The following PCDHGB3 variants were observed in gnomAD, a reference collection of about 807,000 sequenced individuals.
The protein encoded by PCDHGB3 is protocadherin gamma subfamily B, 3.
PCDHGB3 carries 40 observed loss-of-function variants against 59.2 expected under a neutral mutation model. The observed-to-expected ratio is 0.68, with a 90% CI of 0.52 to 0.88. The LOEUF is 0.88. Among genes scored for constraint, PCDHGB3 ranks in the 40% least tolerant of loss-of-function variants. PCDHGB3 has a pLI of 0.00. For synonymous variants in PCDHGB3, 581 were observed against 503.6 expected (o/e 1.15, Z -2.06); for missense variants, 1,309 against 1,187.9 (o/e 1.10, Z -1.50).
At chr5:141,415,482 G>A in intron 1 of PCDHGB3, 1 of 1,614,218 alleles carries the variant, frequency 6.2e-7, no homozygotes, top group Non-Finnish European at 8.5e-7. Flanking sequence ...ACTCGCGAAA[G>A]AGTCACCTGA....
Position 141,512,106 on chromosome 5 carries a change from T to A in PCDHGB3, c.*933T>A, listed in dbSNP as rs2099884076. 6.6e-6 allele frequency: 1 copy of A among 152,630 alleles called. No homozygotes were observed. Among genetic ancestry groups the A allele is most frequent in the Non-Finnish European group, 1.5e-5 (1 of 68,060 alleles). 9.5% of individuals were successfully genotyped at this position (152,630 alleles called of 1,614,324 possible). On this transcript the variant is annotated 3_prime_UTR_variant, in exon 4 of 4. Transcript: ENST00000576222. ...TAAACCAATAACTAGGCTGGACCCT[T>A]CCCACTACATAATAGGGCTCAGCCC...
chr5:141,400,231 G>T (rs572459159), intron 1 of PCDHGB3: 62 of 1,613,870 alleles, frequency 3.8e-5, no homozygotes, highest in Non-Finnish European at 5.1e-5. Flanking sequence ...CTTCCTCCTG[G>T]CCGTGATTCT....
At chr5:141,421,474 G>T (rs1320526226) in intron 1 of PCDHGB3, 3 of 1,614,014 alleles carry the variant, frequency 1.9e-6, no homozygotes, top group African/African-American at 2.7e-5. Flanking sequence ...TCCGCGAAGC[G>T]GCAGCTTGAT....
At chr5:141,450,796 G>GTATT (rs1490825772) in intron 1 of PCDHGB3, among the ~76,000 whole-genome samples, 8 of 145,976 alleles carry the variant, frequency 5.5e-5, no homozygotes, top group African/African-American at 1.8e-4. Flanking sequence ...CCTCATGATT[G>GTATT]TATTTATTTA....
intron 1 of PCDHGB3, chr5:141,423,607 A>T (rs777606404): frequency 6.2e-7 from 1 of 1,612,176 alleles, no homozygotes; most frequent in Admixed American, 1.7e-5. Flanking sequence ...GCCACTCTTG[A>T]TAGCTGAAGA....
chr5:141,400,776 G>T (rs1461818790), intron 1 of PCDHGB3: 3 of 557,594 alleles, frequency 5.4e-6, no homozygotes, highest in Non-Finnish European at 9.4e-6. Context: ...CATTTGGTGC[G>T]TTTTTTTGTC....
chr5:141,425,763 G>A (rs959881638), intron 1 of PCDHGB3, among the ~76,000 whole-genome samples: 3 of 152,164 alleles, frequency 2.0e-5, no homozygotes, highest in Non-Finnish European at 4.4e-5. Context: ...TCTACAACAG[G>A]AGAGAAGACT....
In PCDHGB3 at chr5:141,485,429, A is replaced by T. The variant is rs1388904857; in HGVS notation, c.2416-9378A>T. On this transcript the variant is annotated intron_variant, in intron 1 of 3. Transcript: ENST00000576222. This position sits in a 1 kb window ranked among gnomAD's most constrained non-coding sequence, Gnocchi z 5.7. Reference sequence around the variant, plus strand: ...GGATTTGGACAGCGGAGCCCTGCTCATCAAGAACCCAATCGACCGAGAGGC... The same window carrying T: ...GGATTTGGACAGCGGAGCCCTGCTCTTCAAGAACCCAATCGACCGAGAGGC... The T allele has an allele frequency of 6.2e-7, 1 of 1,614,090 alleles. No homozygotes were observed. Among genetic ancestry groups the T allele is most frequent in the Non-Finnish European group, 8.5e-7 (1 of 1,180,052 alleles).
At position 141,455,318 on chromosome 5, in the gene PCDHGB3, G is replaced by A. The variant is rs534507768; in HGVS notation, c.2416-39489G>A. On this transcript the variant is annotated intron_variant, in intron 1 of 3. Transcript: ENST00000576222. ...TTTCATCTTGCATTAGCAATTTTGT[G>A]TGTGTGTTTGTGGTTTTAAGGAGCG... is the stretch of plus-strand genomic sequence containing the variant. Among the ~76,000 whole-genome samples the A allele has an allele frequency of 2.4e-4, 37 of 152,186 alleles. No individual in the cohort carries two copies. The South Asian group carries it at 5.6e-3, about 23-fold the overall frequency.
intron 1 of PCDHGB3, among the ~76,000 whole-genome samples, chr5:141,469,882 G>A (rs760102003): frequency 2.6e-5 from 4 of 152,280 alleles, no homozygotes; most frequent in Non-Finnish European, 4.4e-5. Context: ...TGTAATCTCG[G>A]CACTTTGGGA....
chr5:141,413,839 G>T (rs971599906), intron 1 of PCDHGB3: 1 of 1,613,310 alleles, frequency 6.2e-7, no homozygotes, highest in African/African-American at 1.3e-5. Flanking sequence ...CTCCGACGGG[G>T]GTGACCCTCT....
At chr5:141,404,877 T>C in intron 1 of PCDHGB3, 1 of 1,613,856 alleles carries the variant, frequency 6.2e-7, no homozygotes, top group East Asian at 2.2e-5. Flanking sequence ...AAACAGAGCC[T>C]TGTGGTGGCT....
chr5:141,420,337 A>G, intron 1 of PCDHGB3: 8 of 1,402,708 alleles, frequency 5.7e-6, no homozygotes, highest in Non-Finnish European at 7.6e-6. Flanking sequence ...ATTCCAATAT[A>G]GTGGTATTAT....
At chr5:141,498,222 T>A (rs1258826914) in intron 2 of PCDHGB3, among the ~76,000 whole-genome samples, 1 of 152,218 alleles carries the variant, frequency 6.6e-6, no homozygotes, top group East Asian at 1.9e-4. Flanking sequence ...GCATTCCAGA[T>A]GGTCAGGCAT....
chr5:141,382,342 T>A (rs1481008486), intron 1 of PCDHGB3, among the ~76,000 whole-genome samples: 1 of 152,250 alleles, frequency 6.6e-6, no homozygotes, highest in East Asian at 1.9e-4. Context: ...GTAAAATCTT[T>A]CATATGTATT....
intron 1 of PCDHGB3, chr5:141,413,515 G>C: frequency 6.2e-7 from 1 of 1,613,984 alleles, no homozygotes; most frequent in Non-Finnish European, 8.5e-7. Context: ...TAATATCCTT[G>C]TGGAAGACAG....
At chr5:141,413,092 T>C in intron 1 of PCDHGB3, 1 of 1,429,614 alleles carries the variant, frequency 7.0e-7, no homozygotes, top group Non-Finnish European at 9.4e-7. Context: ...AGAGACACCC[T>C]GAAGCCACAG....
chr5:141,401,888 TTC>T (rs1281227155), intron 1 of PCDHGB3, among the ~76,000 whole-genome samples: 3 of 152,232 alleles, frequency 2.0e-5, no homozygotes, highest in Non-Finnish European at 2.9e-5. Flanking sequence ...ATATTTTGTG[TTC>T]TTTTTCCCAA....
At chr5:141,497,956 C>T (rs2099780659) in intron 2 of PCDHGB3, among the ~76,000 whole-genome samples, 1 of 152,214 alleles carries the variant, frequency 6.6e-6, no homozygotes, top group African/African-American at 2.4e-5. Flanking sequence ...TTCTGTTGGC[C>T]AGGCAGTGTT....
Sources: allele counts gnomAD v4.1 joint callset (sites outside exome capture counted in the v4.1 genomes callset), GRCh38; gene constraint gnomAD v4.1.1; non-coding constraint Gnocchi (gnomAD v3.1); transcripts MANE v1.5; gene names NCBI Gene and HGNC (gene_info 2026-07-23, HGNC 2026-07-21).